CLOCK: variants seen among roughly 807,000 people sequenced by gnomAD.
CLOCK encodes clock circadian regulator.
In CLOCK, 43 loss-of-function variants were observed where a neutral mutation model predicts 118.4. The observed-to-expected ratio is 0.36, with a 90% confidence interval of 0.28 to 0.47. The LOEUF (loss-of-function observed/expected upper bound fraction) is 0.47, where lower values mean the gene tolerates loss of function less well. Ranked by LOEUF, CLOCK falls within the 20% of genes least tolerant of loss-of-function variation. The pLI is 1.00. For missense variants in CLOCK, 846 were observed against 999.9 expected, an observed-to-expected ratio of 0.85 and a Z score of 2.08; for synonymous variants, 326 against 339.2, an observed-to-expected ratio of 0.96 and a Z score of 0.43.
intron 2 of CLOCK, among the ~76,000 whole-genome samples, chr4:55,507,921 A>C (rs1417865418): frequency 6.6e-6 from 1 of 152,246 alleles, no homozygotes; most frequent in Non-Finnish European, 1.5e-5. Context: ...CAAACCACCA[A>C]GACTCCTGTT....
chr4:55,520,515 C>CA (rs1166936255), intron 1 of CLOCK, among the ~76,000 whole-genome samples: 1 of 152,114 alleles, frequency 6.6e-6, no homozygotes, highest in Admixed American at 6.5e-5. Flanking sequence ...ACACCTGAGG[C>CA]AAAACAGACT....
chr4:55,468,819 A>C (rs915193718), intron 8 of CLOCK, among the ~76,000 whole-genome samples: 5 of 152,232 alleles, frequency 3.3e-5, no homozygotes, highest in Non-Finnish European at 7.3e-5. Context: ...CTTGCACTGC[A>C]TAACAATGTT....
chr4:55,465,881 G>A (rs1475385955), intron 8 of CLOCK, among the ~76,000 whole-genome samples: 1 of 152,128 alleles, frequency 6.6e-6, no homozygotes, highest in African/African-American at 2.4e-5. Flanking sequence ...GAATCCAGGA[G>A]GCAGAGGCTG....
At chr4:55,501,459 TC>T in intron 2 of CLOCK, 1 of 152,024 alleles carries the variant, frequency 6.6e-6, no homozygotes, top group Non-Finnish European at 1.5e-5. Context: ...ACTCTGTCAC[TC>T]AGGCTAGAGT....
rs778651737 is a variant in CLOCK at position 55,453,111 on chromosome 4, A to G, written c.1149T>C (p.Ala383=). Residue 383 remains alanine, a synonymous_variant, in exon 15 of 23, where the codon GCT becomes GCC. Coordinates refer to ENST00000513440, the MANE Select transcript of CLOCK (RefSeq NM_004898.4). ...HTVVSYAEVR[A]ERRRELGIEE... is the part of the protein sequence containing the mutation. The stretch of plus-strand genomic sequence containing the variant: ...CAATGCCAAGTTCTCGTCGTCTTTC[A>G]GCCCTAACTTCTGCATAACTACAAA... The G allele has an allele frequency of 1.2e-6, 2 of 1,613,030 alleles. No individual in the cohort carries two copies. Among genetic ancestry groups the G allele is most frequent in the Non-Finnish European group, 1.7e-6 (2 of 1,179,250 alleles).
At position 55,456,178 on chromosome 4, in the gene CLOCK, A is replaced by AT. The variant is rs772656173; in HGVS notation, c.875+39dup. ...CCATTAATTTCAAGAATTATATAACATGACTATTACCTTTTCATGGAATTT... is the reference window on the plus strand; with the variant it reads ...CCATTAATTTCAAGAATTATATAACATTGACTATTACCTTTTCATGGAATTT... On this transcript the variant is annotated intron_variant, in intron 12 of 22. Coordinates refer to ENST00000513440, the MANE Select transcript of CLOCK (RefSeq NM_004898.4). 13 of 1,444,682 alleles carry AT rather than the reference A, an allele frequency of 9.0e-6. No homozygotes were observed. The East Asian group carries it at 2.8e-4, about 31-fold the overall frequency. 89.5% of individuals were successfully genotyped at this position (1,444,682 alleles called of 1,614,324 possible).
intron 2 of CLOCK, among the ~76,000 whole-genome samples, chr4:55,496,601 T>A (rs563053357): frequency 3.3e-5 from 5 of 152,336 alleles, no homozygotes; most frequent in Admixed American, 2.0e-4. Flanking sequence ...AAAATTCCAA[T>A]TTACAGTATT....
At chr4:55,542,051 T>C (rs567952625) in intron 1 of CLOCK, among the ~76,000 whole-genome samples, 2 of 151,586 alleles carry the variant, frequency 1.3e-5, no homozygotes, top group African/African-American at 4.8e-5. Context: ...ATAATGTCTA[T>C]GCTTTTCAGT....
chr4:55,534,065 T>C (rs1389775543), intron 1 of CLOCK, among the ~76,000 whole-genome samples: 1 of 152,222 alleles, frequency 6.6e-6, no homozygotes, highest in African/African-American at 2.4e-5. Context: ...AACCCAATAG[T>C]AATAAAATGT....
At chr4:55,490,795 G>C (rs992059675) in intron 2 of CLOCK, among the ~76,000 whole-genome samples, 2 of 152,088 alleles carry the variant, frequency 1.3e-5, no homozygotes, top group African/African-American at 4.8e-5. Flanking sequence ...TGAATCCACA[G>C]ACGTGGAACC....
intron 6 of CLOCK, among the ~76,000 whole-genome samples, chr4:55,478,395 C>A (rs1386444893): frequency 2.0e-5 from 3 of 152,100 alleles, no homozygotes; most frequent in Non-Finnish European, 2.9e-5. Flanking sequence ...AGTCTCCCTG[C>A]CTCTCTGCTT....
intron 22 of CLOCK, among the ~76,000 whole-genome samples, chr4:55,436,892 C>CTTTTTT (rs35888413): frequency 6.1e-5 from 6 of 98,352 alleles, no homozygotes; most frequent in African/African-American, 1.8e-4. Flanking sequence ...TTTGGGATGC[C>CTTTTTT]TTTTTTTTTT....
chr4:55,470,610 C>A, intron 8 of CLOCK, 107 bp downstream of exon 8: 3 of 751,118 alleles, frequency 4.0e-6, no homozygotes, highest in South Asian at 1.6e-5. Context: ...GATTCCTACC[C>A]CTTTAACGAC....
intron 1 of CLOCK, chr4:55,545,928 C>T (rs1278654582): frequency 6.6e-6 from 1 of 152,226 alleles, no homozygotes; most frequent in African/African-American, 2.4e-5. Flanking sequence ...TCGCTGGAGT[C>T]AGACGCTAAT....
chr4:55,444,771 A>G lies in CLOCK; in HGVS notation c.1554T>C (p.Ala518=), dbSNP rs143619255. The change falls in exon 19 of 23, where the codon GCT becomes GCC. Residue 518 remains alanine, a synonymous_variant. Transcript: ENST00000513440. ...TCAGATGTTGCATGGCTCCTAATTGAGCTGAAAACTGAAACTGAAGTACCA... is the reference window on the plus strand; with the variant it reads ...TCAGATGTTGCATGGCTCCTAATTGGGCTGAAAACTGAAACTGAAGTACCA... ...PQGMSQFQFS[A]QLGAMQHLKD... The G allele has an allele frequency of 6.6e-5, 107 of 1,613,870 alleles. No individual in the cohort carries two copies. The highest frequency in any genetic ancestry group is 8.6e-5 in the Non-Finnish European group (102 of 1,179,976).
intron 4 of CLOCK, 41 bp from the exon 5 acceptor site, chr4:55,479,740 A>T: frequency 6.8e-7 from 1 of 1,461,364 alleles, no homozygotes; most frequent in Non-Finnish European, 9.6e-7. Context: ...CAGACTCACT[A>T]AGCAACAGCA....
At chr4:55,508,257 T>A (rs1411722541) in intron 2 of CLOCK, among the ~76,000 whole-genome samples, 1 of 152,220 alleles carries the variant, frequency 6.6e-6, no homozygotes, top group Non-Finnish European at 1.5e-5. Flanking sequence ...TAAGGTATTA[T>A]AGTAACATTA....
chr4:55,539,618 T>C (rs1731130829), intron 1 of CLOCK, among the ~76,000 whole-genome samples: 2 of 144,358 alleles, frequency 1.4e-5, no homozygotes, highest in African/African-American at 5.0e-5. Flanking sequence ...TTGAGATATT[T>C]TCAGAGAAAC....
intron 19 of CLOCK, 78 bp from the exon 20 acceptor site, chr4:55,443,974 A>C: frequency 7.7e-7 from 1 of 1,297,000 alleles, no homozygotes; most frequent in Non-Finnish European, 1.1e-6. Context: ...AGGCAAAATC[A>C]AGCTACAAAG....
Sources: allele counts gnomAD v4.1 joint callset (sites outside exome capture counted in the v4.1 genomes callset), GRCh38; gene constraint gnomAD v4.1.1; transcripts MANE v1.5; gene names NCBI Gene and HGNC (gene_info 2026-07-23, HGNC 2026-07-21).